Variants in MAML2 observed in about 807,000 individuals in gnomAD.
MAML2 encodes the protein mastermind-like protein 2.
MAML2 carries 22 observed loss-of-function variants against 96.1 expected under a neutral mutation model. The ratio of observed to expected loss-of-function variants is 0.23; its 90% CI spans 0.16 to 0.33. The LOEUF is 0.33. MAML2 is among the 10% of genes least tolerant of loss of function. The pLI, the probability that MAML2 is intolerant of heterozygous loss-of-function variation, is 1.00. For missense variants in MAML2, 1,367 were observed against 1,392.4 expected (o/e 0.98, Z 0.29); for synonymous variants, 561 against 521.3 (o/e 1.08, Z -1.04).
rs1025442591 is a variant in MAML2, at chr11:96,279,347, G to C, written c.513+62036C>G. On this transcript the variant is annotated intron_variant, in intron 1 of 4. Coordinates refer to ENST00000524717, the MANE Select transcript of MAML2 (RefSeq NM_032427.4). ...GTTATAAGGAGAGAAGCAATGTTAG[G>C]GGTGTCTTCCCATTGCTGGAGTGGG... Among the ~76,000 whole-genome samples, 2 of 152,180 alleles carry C rather than the reference G, an allele frequency of 1.3e-5. 1 individual carries two copies. Among genetic ancestry groups the C allele is most frequent in the Non-Finnish European group, 2.9e-5 (2 of 68,034 alleles).
At chr11:96,133,543 C>G (rs192008366) in intron 1 of MAML2, among the ~76,000 whole-genome samples, 1 of 151,780 alleles carries the variant, frequency 6.6e-6, no homozygotes, top group Non-Finnish European at 1.5e-5. Flanking sequence ...CTTGGTCAAT[C>G]GACTTGGCAG....
At chr11:96,004,238 G>A (rs958056185) in intron 2 of MAML2, among the ~76,000 whole-genome samples, 1 of 152,068 alleles carries the variant, frequency 6.6e-6, no homozygotes, top group African/African-American at 2.4e-5. Context: ...CATTAAAAAT[G>A]AAGGCAATTC....
intron 1 of MAML2, among the ~76,000 whole-genome samples, chr11:96,265,866 T>C (rs972138272): frequency 6.6e-6 from 1 of 152,130 alleles, no homozygotes; most frequent in Admixed American, 6.5e-5. Context: ...CTTCTTCCAC[T>C]CAATAAAACC....
rs1423548567 is a variant in MAML2 at position 96,252,572 on chromosome 11, C to T, written c.513+88811G>A. Reference sequence around the variant, plus strand: ...TCCCAAGTAGCTGGGACTACAGGCGCGTGTCACCATGCCTGGCTAATTTTT... The same window carrying T: ...TCCCAAGTAGCTGGGACTACAGGCGTGTGTCACCATGCCTGGCTAATTTTT... On this transcript the variant is annotated intron_variant, in intron 1 of 4. Coordinates refer to ENST00000524717, the MANE Select transcript of MAML2 (RefSeq NM_032427.4). Among the ~76,000 whole-genome samples, 8 of 152,032 alleles carry T rather than the reference C, an allele frequency of 5.3e-5. No individual in the cohort carries two copies. The East Asian group carries it at 1.2e-3, about 22-fold the overall frequency.
chr11:96,186,293 T>C (rs35084526), intron 1 of MAML2, among the ~76,000 whole-genome samples: 14,469 of 152,234 alleles, frequency 0.095, 757 homozygotes, highest in African/African-American at 0.11. Flanking sequence ...AAGTGTACTA[T>C]AAAAGTGGGA....
rs932690533 is a variant in MAML2, at chr11:96,277,530, T to C, written c.513+63853A>G. 3.3e-5 allele frequency among the ~76,000 whole-genome samples: 5 copies of C among 151,970 alleles called. No homozygotes were observed. The East Asian group carries it at 9.6e-4, about 29-fold the overall frequency. ...CTTTGGGAGGGCCGAGGCAGGTGGA[T>C]CACCTGAGATCAGGAGTTTGAGACC... On this transcript the variant is annotated intron_variant, in intron 1 of 4. Transcript: ENST00000524717.
intron 1 of MAML2, among the ~76,000 whole-genome samples, chr11:96,217,021 G>A (rs2135943251): frequency 6.6e-6 from 1 of 152,334 alleles, no homozygotes; most frequent in Non-Finnish European, 1.5e-5. Context: ...AGACCAGGGA[G>A]TGTGAGAGCA....
intron 1 of MAML2, among the ~76,000 whole-genome samples, chr11:96,106,748 G>T (rs1286899630): frequency 7.2e-5 from 11 of 152,166 alleles, no homozygotes; most frequent in South Asian, 2.1e-4. Context: ...AAGCTCACCA[G>T]CTACAGCCTT....
chr11:96,287,077 C>T (rs1307190730), intron 1 of MAML2, among the ~76,000 whole-genome samples: 1 of 152,098 alleles, frequency 6.6e-6, no homozygotes. Context: ...GCAGCTAGCA[C>T]TTATCAGATG....
At chr11:96,194,460 C>T (rs1029893801) in intron 1 of MAML2, among the ~76,000 whole-genome samples, 1 of 152,184 alleles carries the variant, frequency 6.6e-6, no homozygotes, top group African/African-American at 2.4e-5. Context: ...AGATAATTTC[C>T]TGTTTCATTT....
intron 2 of MAML2, among the ~76,000 whole-genome samples, chr11:96,014,160 C>T (rs1161404455): frequency 6.6e-6 from 1 of 152,158 alleles, no homozygotes; most frequent in Non-Finnish European, 1.5e-5. Flanking sequence ...GCGAGGGGGA[C>T]AAGGGAATCT....
chr11:96,031,470 C>T (rs763920168), intron 2 of MAML2, among the ~76,000 whole-genome samples: 8 of 152,080 alleles, frequency 5.3e-5, no homozygotes, highest in Non-Finnish European at 1.2e-4. Context: ...CATTGGTATG[C>T]TAAGGAGTAT....
intron 1 of MAML2, among the ~76,000 whole-genome samples, chr11:96,270,298 T>C (rs1591106285): frequency 6.6e-6 from 1 of 152,230 alleles, no homozygotes; most frequent in East Asian, 1.9e-4. Context: ...ACTAGCAGTC[T>C]GTTCTGAGAT....
chr11:96,076,682 G>C (rs1032343912), intron 2 of MAML2, among the ~76,000 whole-genome samples: 2 of 152,110 alleles, frequency 1.3e-5, no homozygotes, highest in African/African-American at 4.8e-5. Flanking sequence ...ACTCAAAGGG[G>C]ACAATAGAGG....
intron 1 of MAML2, among the ~76,000 whole-genome samples, chr11:96,121,515 T>C (rs1860339490): frequency 1.3e-5 from 2 of 152,036 alleles, no homozygotes; most frequent in Admixed American, 1.3e-4. Context: ...ATAAACATGC[T>C]TCAGAGAAGC....
chr11:95,998,141 A>AGCCTGTCTGTCTGTCT (rs1858023413), intron 2 of MAML2, among the ~76,000 whole-genome samples: 1 of 143,544 alleles, frequency 7.0e-6, no homozygotes, highest in Non-Finnish European at 1.5e-5. Context: ...TCTGTCTGTC[A>AGCCTGTCTGTCTGTCT]GTCTGTCTGT....
intron 2 of MAML2, among the ~76,000 whole-genome samples, chr11:96,034,460 T>A (rs1374034720): frequency 7.0e-6 from 1 of 143,020 alleles, no homozygotes; most frequent in Admixed American, 7.0e-5. Context: ...AGAGAGAGTG[T>A]GTGTGTGTGT....
chr11:96,290,024 C>T (rs961961108), intron 1 of MAML2, among the ~76,000 whole-genome samples: 1 of 152,098 alleles, frequency 6.6e-6, no homozygotes, highest in Non-Finnish European at 1.5e-5. Context: ...TTTTTATAAG[C>T]AGTGTATTTT....
At chr11:96,128,382 T>C (rs1361314361) in intron 1 of MAML2, among the ~76,000 whole-genome samples, 3 of 151,834 alleles carry the variant, frequency 2.0e-5, no homozygotes, top group Admixed American at 1.3e-4. Context: ...CAACAGACAG[T>C]GGGAGGCTCA....
Sources: gnomAD v4.1 joint callset for allele counts (sites outside exome capture counted in the v4.1 genomes callset) on GRCh38, gnomAD v4.1.1 for gene constraint, MANE v1.5 for transcripts, NCBI Gene and HGNC (gene_info 2026-07-23, HGNC 2026-07-21) for gene names.